NUMBL: variants seen among roughly 807,000 people sequenced by gnomAD.
NUMBL encodes the protein numb-like protein.
NUMBL carries 20 observed loss-of-function variants against 48.9 expected under a neutral mutation model. That is an observed-to-expected ratio of 0.41 (90% CI 0.29 to 0.59). NUMBL has a LOEUF of 0.59. Ranked by LOEUF, NUMBL falls within the 20% of genes least tolerant of loss-of-function variation. The pLI is 0.31. For synonymous variants in NUMBL, 340 were observed against 348.7 expected (o/e 0.98, Z 0.28); for missense variants, 660 against 846.2 (o/e 0.78, Z 2.73).
At position 40,677,440 on chromosome 19, in the gene NUMBL, C is replaced by CG. The variant is rs1555752949; in HGVS notation, c.541-20dup. The CG allele has an allele frequency of 1.2e-5, 19 of 1,599,988 alleles. No individual in the cohort carries two copies. The highest frequency in any genetic ancestry group is 2.2e-5 in the South Asian group (2 of 90,402). Reference sequence around the variant, plus strand: ...TCTCGCCCTATGGGGAGAGGATGGGCGGGGGGGTTAGAGGCGCTGGGCAGT... The same window carrying CG: ...TCTCGCCCTATGGGGAGAGGATGGGCGGGGGGGGTTAGAGGCGCTGGGCAGT... On this transcript the variant is annotated intron_variant, in intron 6 of 9. Transcript: ENST00000252891.
Position 40,666,582 on chromosome 19 carries a change from T to TATC in NUMBL, c.*883_*885dup, listed in dbSNP as rs1203714053. The TATC allele has an allele frequency of 6.6e-6, 1 of 152,560 alleles. No homozygotes were observed. The highest frequency in any genetic ancestry group is 1.5e-5 in the Non-Finnish European group (1 of 68,018). 9.5% of individuals were successfully genotyped at this position (152,560 alleles called of 1,614,324 possible). On this transcript the variant is annotated 3_prime_UTR_variant, in exon 10 of 10. Coordinates refer to ENST00000252891, the MANE Select transcript of NUMBL (RefSeq NM_004756.5). ...TGTTACCACGCTATGACTCAGAGGT[T>TATC]ATCACTCAGGGACATCCTTCTGACT...
chr19:40,685,057 G>A, intron 2 of NUMBL: 1 of 163,198 alleles, frequency 6.1e-6, no homozygotes, highest in Non-Finnish European at 1.4e-5. Context: ...TGGGTCAGGG[G>A]TGCAGGAGTC....
At chr19:40,680,822 G>A in intron 6 of NUMBL, 95 bp downstream of exon 6, 1 of 1,351,078 alleles carries the variant, frequency 7.4e-7, no homozygotes, top group Non-Finnish European at 1.1e-6. Context: ...GCACACAGAG[G>A]TTAGTGATGT....
chr19:40,675,155 A>AC (rs2081868551), intron 7 of NUMBL, among the ~76,000 whole-genome samples: 2 of 145,358 alleles, frequency 1.4e-5, no homozygotes, highest in Non-Finnish European at 3.0e-5. Flanking sequence ...AAAAAAAAAA[A>AC]AAAAAAAAAA....
At position 40,686,999 on chromosome 19, in the gene NUMBL, C is replaced by T. The variant is rs769292659; in HGVS notation, c.25-4G>A. ...GCTCAGGCCTCCGGGGTCCGCCCTG[C>T]CCGAGTAGGGGAGGAGAAGGTGAGA... On this transcript the variant is annotated splice_polypyrimidine_tract_variant and splice_region_variant and intron_variant, in intron 1 of 9. Coordinates refer to ENST00000252891, the MANE Select transcript of NUMBL (RefSeq NM_004756.5). 31 of 1,497,428 alleles carry T rather than the reference C, an allele frequency of 2.1e-5. No homozygotes were observed. Among genetic ancestry groups the T allele is most frequent in the Admixed American group, 2.6e-5 (1 of 38,192 alleles). The allele number at this position is 1,497,428 out of a possible 1,614,324, so 92.8% of individuals were successfully genotyped here. A position where few individuals can be genotyped will look rare whatever the true frequency, so the allele number is the denominator to read the frequency against.
chr19:40,681,989 T>A (rs992933711), intron 5 of NUMBL, among the ~76,000 whole-genome samples: 9 of 151,780 alleles, frequency 5.9e-5, no homozygotes, highest in South Asian at 2.1e-4. Flanking sequence ...TAAATTTTTT[T>A]AAAAATTATT....
At chr19:40,668,603 C>T (rs574371307) in intron 9 of NUMBL, among the ~76,000 whole-genome samples, 29 of 152,080 alleles carry the variant, frequency 1.9e-4, no homozygotes, top group Non-Finnish European at 2.6e-4. Flanking sequence ...GGATTACAGG[C>T]GCGCACCATT....
chr19:40,690,486 A>G lies in NUMBL; in HGVS notation c.-3T>C. ...CTGGCCGCCGCGCTGCGGGACATCC[A>G]GGGCCCGGGCGCCCCCGCCTCCCGC... is the stretch of plus-strand genomic sequence containing the variant. On this transcript the variant is annotated 5_prime_UTR_variant, in exon 1 of 10. Coordinates refer to ENST00000252891, the MANE Select transcript of NUMBL (RefSeq NM_004756.5). 7.8e-7 allele frequency: 1 copy of G among 1,289,044 alleles called. No homozygotes were observed. Among genetic ancestry groups the G allele is most frequent in the Non-Finnish European group, 9.8e-7 (1 of 1,015,958 alleles). 79.9% of individuals were successfully genotyped at this position (1,289,044 alleles called of 1,614,324 possible).
chr19:40,681,892 C>T (rs892088190), intron 5 of NUMBL, among the ~76,000 whole-genome samples: 6 of 152,102 alleles, frequency 3.9e-5, no homozygotes, highest in Admixed American at 3.3e-4. Flanking sequence ...AGGCTAGTCT[C>T]GAACTCGTGA....
At chr19:40,676,387 C>A (rs1007211452) in intron 7 of NUMBL, among the ~76,000 whole-genome samples, 1 of 151,792 alleles carries the variant, frequency 6.6e-6, no homozygotes, top group Non-Finnish European at 1.5e-5. Flanking sequence ...AATTAGACCT[C>A]AACTCAGACA....
In NUMBL at chr19:40,674,015, C is replaced by T. The variant is rs981660685; in HGVS notation, c.731-366G>A. On this transcript the variant is annotated intron_variant, in intron 7 of 9. Transcript: ENST00000252891. ...AACGTATCAGGCATTGTTCCAGATGCTTTTCAAGTATTCACTCATTCAATC... is the reference window on the plus strand; with the variant it reads ...AACGTATCAGGCATTGTTCCAGATGTTTTTCAAGTATTCACTCATTCAATC... Among the ~76,000 whole-genome samples the T allele has an allele frequency of 2.0e-5, 3 of 152,128 alleles. No individual in the cohort carries two copies. The South Asian group carries it at 6.2e-4, about 32-fold the overall frequency.
At position 40,666,341 on chromosome 19, in the gene NUMBL, T is replaced by C. The variant is rs972790584; in HGVS notation, c.*1127A>G. On this transcript the variant is annotated 3_prime_UTR_variant, in exon 10 of 10. Transcript: ENST00000252891. ...TTTTGGTAGAGACTGGGTTTCTCCA[T>C]GGCGGCCAGGCTGGTCTCGAACTCC... 2.6e-5 allele frequency: 4 copies of C among 152,116 alleles called. No homozygotes were observed. The highest frequency in any genetic ancestry group is 9.7e-5 in the African/African-American group (4 of 41,430). The allele number at this position is 152,116 out of a possible 1,614,324, so 9.4% of individuals were successfully genotyped here.
chr19:40,672,847 A>G (rs542276223), intron 8 of NUMBL, among the ~76,000 whole-genome samples: 1 of 152,160 alleles, frequency 6.6e-6, no homozygotes, highest in African/African-American at 2.4e-5. Flanking sequence ...CCTGAGGAAT[A>G]CCTGTATCCT....
At chr19:40,679,357 A>G (rs12609191) in intron 6 of NUMBL, among the ~76,000 whole-genome samples, 39,911 of 151,994 alleles carry the variant, frequency 0.26, 5,427 homozygotes, top group South Asian at 0.3. Flanking sequence ...TTGATGACAG[A>G]GAGAGACGCT....
rs2081881676 is a variant in NUMBL at position 40,677,297 on chromosome 19, T to C, written c.665A>G (p.Glu222Gly). 1 of 1,609,610 alleles carries C rather than the reference T, an allele frequency of 6.2e-7. No individual in the cohort carries two copies. Among genetic ancestry groups the C allele is most frequent in the African/African-American group, 1.3e-5 (1 of 74,864 alleles). ...ACCCCCAGACAGGCGGAAGGAGCCC[T>C]CGCGGGCGAAGCTGGTGCGGCTGGC... ...FDASRTSFAR[E>G]GSFRLSGGGR... The change falls in exon 7 of 10, where the codon GAG (glutamate) becomes GGG (glycine). Residue 222 changes from glutamate (E) to glycine (G), a missense_variant. Glu to Gly is a moderately conservative substitution (Grantham distance 98). Around this residue, in one of 3 missense-constraint regions of NUMBL, gnomAD observed 278 missense variants for 420.6 expected, o/e 0.66. Transcript: ENST00000252891.
At position 40,687,758 on chromosome 19, in the gene NUMBL, G is replaced by A. The variant is rs963459184; in HGVS notation, c.25-763C>T. Among the ~76,000 whole-genome samples, 1 of 152,006 alleles carries A rather than the reference G, an allele frequency of 6.6e-6. No homozygotes were observed. Among genetic ancestry groups the A allele is most frequent in the Admixed American group, 6.5e-5 (1 of 15,272 alleles). On this transcript the variant is annotated intron_variant, in intron 1 of 9. Coordinates refer to ENST00000252891, the MANE Select transcript of NUMBL (RefSeq NM_004756.5). This position sits in a 1 kb window ranked among gnomAD's most constrained non-coding sequence, Gnocchi z 4.6. The stretch of plus-strand genomic sequence containing the variant: ...CCCATTTGCTGACCCAGTCCCACAC[G>A]ACACAATCGCAGCTATATACACTTG...
intron 3 of NUMBL, among the ~76,000 whole-genome samples, chr19:40,683,265 C>G (rs541081020): frequency 6.6e-6 from 1 of 152,282 alleles, no homozygotes; most frequent in African/African-American, 2.4e-5. Flanking sequence ...TGCGTGAGGA[C>G]TGGCCACAGG....
At position 40,687,790 on chromosome 19, in the gene NUMBL, G is replaced by A. The variant is rs896689962; in HGVS notation, c.25-795C>T. On this transcript the variant is annotated intron_variant, in intron 1 of 9. Coordinates refer to ENST00000252891, the MANE Select transcript of NUMBL (RefSeq NM_004756.5). This position sits in a 1 kb window ranked among gnomAD's most constrained non-coding sequence, Gnocchi z 4.6. ...TCGCAGCTATATACACTTGTTACAC[G>A]TATCTCCACTGCTGCACACTGACAT... Among the ~76,000 whole-genome samples the A allele has an allele frequency of 5.3e-5, 8 of 152,242 alleles. No individual in the cohort carries two copies. Among genetic ancestry groups the A allele is most frequent in the South Asian group, 2.1e-4 (1 of 4,814 alleles).
chr19:40,679,329 C>T (rs927474794), intron 6 of NUMBL, among the ~76,000 whole-genome samples: 2 of 152,168 alleles, frequency 1.3e-5, no homozygotes, highest in African/African-American at 4.8e-5. Flanking sequence ...GGCGAGATTG[C>T]ACCACTGCAC....
Sources: gnomAD v4.1 joint callset for allele counts (sites outside exome capture counted in the v4.1 genomes callset) on GRCh38, gnomAD v4.1.1 for gene constraint, gnomAD v4.1.1 regional missense constraint, Gnocchi (gnomAD v3.1) non-coding constraint, MANE v1.5 for transcripts, NCBI Gene and HGNC (gene_info 2026-07-23, HGNC 2026-07-21) for gene names.